Variants in MDH2 observed in about 807,000 individuals in gnomAD.
MDH2 encodes the protein malate dehydrogenase, mitochondrial.
MDH2 carries 25 observed loss-of-function variants against 33.6 expected under a neutral mutation model. The ratio of observed to expected loss-of-function variants is 0.74; its 90% CI spans 0.54 to 1.04. The LOEUF is 1.04. Among genes scored for constraint, MDH2 ranks in the 50% least tolerant of loss-of-function variants. MDH2 has a pLI of 0.00. For synonymous variants in MDH2, 193 were observed against 188.7 expected, an observed-to-expected ratio of 1.02 and a Z score of -0.19; for missense variants, 432 against 445.0, an observed-to-expected ratio of 0.97 and a Z score of 0.26.
chr7:76,049,463 TAGGAC>T (rs1797526432), intron 1 of MDH2, among the ~76,000 whole-genome samples: 1 of 151,964 alleles, frequency 6.6e-6, no homozygotes, highest in Admixed American at 6.6e-5. Flanking sequence ...TGAGTAAACT[TAGGAC>T]AGGTGGAAGC....
At chr7:76,051,447 G>C (rs191814401) in intron 1 of MDH2, among the ~76,000 whole-genome samples, 1 of 151,222 alleles carries the variant, frequency 6.6e-6, no homozygotes. Flanking sequence ...TCAGCCTTCC[G>C]AGTAGCTGGG....
Position 76,050,730 on chromosome 7 carries a change from C to T in MDH2, c.66+2504C>T, listed in dbSNP as rs529316181. On this transcript the variant is annotated intron_variant, in intron 1 of 8. Coordinates refer to ENST00000315758, the MANE Select transcript of MDH2 (RefSeq NM_005918.4). The stretch of plus-strand genomic sequence containing the variant: ...GCAGGTGGTAAGAAATGATTGAATT[C>T]TGGGTATTCATTGATGGTACCAGAA... Among the ~76,000 whole-genome samples, 4 of 152,062 alleles carry T rather than the reference C, an allele frequency of 2.6e-5. No individual in the cohort carries two copies. In the South Asian group the frequency reaches 8.3e-4, roughly 32 times the overall value.
In MDH2 at chr7:76,054,284, C is replaced by T. The variant is rs555326697; in HGVS notation, c.67-546C>T. The stretch of plus-strand genomic sequence containing the variant: ...TCCTTGTCCTGCCTGAGGCTCCAGC[C>T]ACAAGTTTGCTGCCTGGATGAATCT... On this transcript the variant is annotated intron_variant, in intron 1 of 8. Coordinates refer to ENST00000315758, the MANE Select transcript of MDH2 (RefSeq NM_005918.4). Among the ~76,000 whole-genome samples the T allele has an allele frequency of 4.6e-5, 7 of 152,292 alleles. No homozygotes were observed. The South Asian group carries it at 1.0e-3, about 23-fold the overall frequency.
At position 76,066,417 on chromosome 7, in the gene MDH2, G is replaced by A; in HGVS notation, c.*7G>A. The stretch of plus-strand genomic sequence containing the variant: ...CGTGAAGACCCTGAAGTGAGCCGCT[G>A]TGACGGGTGGCCAGTTTCCTTAATT... On this transcript the variant is annotated 3_prime_UTR_variant, in exon 9 of 9. Transcript: ENST00000315758. 6.2e-7 allele frequency: 1 copy of A among 1,602,162 alleles called. No individual in the cohort carries two copies. Among genetic ancestry groups the A allele is most frequent in the Middle Eastern group, 1.7e-4 (1 of 5,962 alleles).
chr7:76,055,255 GGGGAAGA>G (rs1290591913), intron 2 of MDH2, among the ~76,000 whole-genome samples: 1 of 152,152 alleles, frequency 6.6e-6, no homozygotes, highest in Non-Finnish European at 1.5e-5. Context: ...GTATGAGGAT[GGGGAAGA>G]GGGAAGTGTC....
Position 76,057,479 on chromosome 7 carries a change from T to C in MDH2, c.305T>C (p.Val102Ala), listed in dbSNP as rs1194543391. The C allele has an allele frequency of 6.2e-7, 1 of 1,613,884 alleles. No homozygotes were observed. Among genetic ancestry groups the C allele is most frequent in the African/African-American group, 1.3e-5 (1 of 74,850 alleles). ...GCDVVVIPAG[V>A]PRKPGMTRDD... is the part of the protein sequence containing the mutation. ...GATGTGGTAGTTATTCCGGCTGGAG[T>C]CCCCAGAAAGCCAGGTTTGTGTTTG... is the stretch of plus-strand genomic sequence containing the variant. The change falls in exon 3 of 9, where the codon GTC (valine) becomes GCC (alanine). Residue 102 changes from valine (V) to alanine (A), a missense_variant. Coordinates refer to ENST00000315758, the MANE Select transcript of MDH2 (RefSeq NM_005918.4).
At chr7:76,060,784 T>G (rs1554586901) in intron 5 of MDH2, among the ~76,000 whole-genome samples, 1 of 152,028 alleles carries the variant, frequency 6.6e-6, no homozygotes, top group African/African-American at 2.4e-5. Context: ...TTTGGGCTTC[T>G]CAGTGGCTGG....
chr7:76,050,748 T>C (rs1242954692), intron 1 of MDH2, among the ~76,000 whole-genome samples: 1 of 152,198 alleles, frequency 6.6e-6, no homozygotes, highest in East Asian at 1.9e-4. Flanking sequence ...TCATTGATGG[T>C]ACCAGAAGGA....
rs1312884780 is a variant in MDH2, at chr7:76,067,333, C to G, written c.*923C>G. The G allele has an allele frequency of 8.6e-5, 13 of 152,046 alleles. No individual in the cohort carries two copies. Among genetic ancestry groups the G allele is most frequent in the Admixed American group, 3.3e-4 (5 of 15,262 alleles). 9.4% of individuals were successfully genotyped at this position (152,046 alleles called of 1,614,324 possible). ...TGGAAGAGGGAGGGCTGGAGGTGTG[C>G]CCAGTACTTGGATGTTCATCTGTCC... is the stretch of plus-strand genomic sequence containing the variant. On this transcript the variant is annotated 3_prime_UTR_variant, in exon 9 of 9. Transcript: ENST00000315758.
At chr7:76,051,005 C>T (rs183904142) in intron 1 of MDH2, among the ~76,000 whole-genome samples, 2 of 152,184 alleles carry the variant, frequency 1.3e-5, no homozygotes, top group Admixed American at 1.3e-4. Flanking sequence ...CCTCAGCCTC[C>T]TGAGTAGCTG....
At chr7:76,064,526 A>G in intron 7 of MDH2, 88 bp downstream of exon 7, 2 of 1,189,276 alleles carry the variant, frequency 1.7e-6, no homozygotes. Flanking sequence ...GTCCCTGGGC[A>G]TGGACGATCC....
intron 5 of MDH2, among the ~76,000 whole-genome samples, chr7:76,062,476 T>C (rs1462720197): frequency 6.6e-6 from 1 of 152,216 alleles, no homozygotes; most frequent in Non-Finnish European, 1.5e-5. Flanking sequence ...ATCCTACTTT[T>C]CCCGTGCGTG....
At position 76,057,920 on chromosome 7, in the gene MDH2, G is replaced by A. The variant is rs1554586496; in HGVS notation, c.320-49G>A. The stretch of plus-strand genomic sequence containing the variant: ...GGCGCTCAGCACATGCTGCCTGTCT[G>A]GAAATTTGTGGTGTTCTCTGTTAAC... On this transcript the variant is annotated intron_variant, in intron 3 of 8. Transcript: ENST00000315758. The A allele has an allele frequency of 3.2e-6, 5 of 1,568,512 alleles. No individual in the cohort carries two copies. The East Asian group carries it at 1.1e-4, about 35-fold the overall frequency.
chr7:76,052,005 T>C (rs1797641289), intron 1 of MDH2, among the ~76,000 whole-genome samples: 1 of 152,198 alleles, frequency 6.6e-6, no homozygotes, highest in Non-Finnish European at 1.5e-5. Flanking sequence ...TGACATCCTG[T>C]AATATACAAA....
At chr7:76,059,908 T>G (rs1339015528) in intron 4 of MDH2, among the ~76,000 whole-genome samples, 1 of 152,110 alleles carries the variant, frequency 6.6e-6, no homozygotes, top group African/African-American at 2.4e-5. Context: ...CTTCATGAGG[T>G]TGTCGTTTCC....
chr7:76,062,637 G>A (rs1301077647), intron 5 of MDH2, among the ~76,000 whole-genome samples: 2 of 152,194 alleles, frequency 1.3e-5, no homozygotes, highest in Non-Finnish European at 2.9e-5. Context: ...TGGTTCAGCC[G>A]GGCGCAGTGG....
rs927068873 is a variant in MDH2, at chr7:76,061,668, T to C, written c.555+1170T>C. Among the ~76,000 whole-genome samples the C allele has an allele frequency of 4.8e-5, 7 of 145,932 alleles. No homozygotes were observed. The East Asian group carries it at 6.0e-4, about 13-fold the overall frequency. ...AAAAAAAAAAAAAAAACAGTTTGAG[T>C]GAGCAGGTGAGCGCAGGTGTATGTC... is the stretch of plus-strand genomic sequence containing the variant. On this transcript the variant is annotated intron_variant, in intron 5 of 8. Transcript: ENST00000315758.
rs1317495692 is a variant in MDH2 at position 76,066,597 on chromosome 7, A to C, written c.*187A>C. 1 of 649,638 alleles carries C rather than the reference A, an allele frequency of 1.5e-6. No homozygotes were observed. Among genetic ancestry groups the C allele is most frequent in the African/African-American group, 1.9e-5 (1 of 53,478 alleles). 40.2% of individuals were successfully genotyped at this position (649,638 alleles called of 1,614,324 possible). The stretch of plus-strand genomic sequence containing the variant: ...AAAGCCGTCCTTGATTTTATTTTTC[A>C]AGGTCCCTTCTGTAAATGCTGTGCT... On this transcript the variant is annotated 3_prime_UTR_variant, in exon 9 of 9. Coordinates refer to ENST00000315758, the MANE Select transcript of MDH2 (RefSeq NM_005918.4).
Position 76,057,992 on chromosome 7 carries a change from A to T in MDH2, c.343A>T (p.Asn115Tyr). 1 of 1,614,116 alleles carries T rather than the reference A, an allele frequency of 6.2e-7. No homozygotes were observed. Among genetic ancestry groups the T allele is most frequent in the Non-Finnish European group, 8.5e-7 (1 of 1,180,036 alleles). ...AGGCATGACCCGGGACGACCTGTTCAACACCAATGCCACGATTGTGGCCAC... is the reference window on the plus strand; with the variant it reads ...AGGCATGACCCGGGACGACCTGTTCTACACCAATGCCACGATTGTGGCCAC... ...KPGMTRDDLF[N>Y]TNATIVATLT... The change falls in exon 4 of 9, where the codon AAC becomes TAC. Residue 115 changes from asparagine to tyrosine, a missense_variant. Asn to Tyr is a moderately radical substitution (Grantham distance 143). Coordinates refer to ENST00000315758, the MANE Select transcript of MDH2 (RefSeq NM_005918.4).
Sources: allele counts gnomAD v4.1 joint callset (sites outside exome capture counted in the v4.1 genomes callset), GRCh38; gene constraint gnomAD v4.1.1; transcripts MANE v1.5; gene names NCBI Gene and HGNC (gene_info 2026-07-23, HGNC 2026-07-21).